Variants in SLC28A1 observed in about 807,000 individuals in gnomAD.
SLC28A1 encodes solute carrier family 28 member 1, also known as sodium/nucleoside cotransporter 1.
A neutral mutation model predicts 74.8 loss-of-function variants in SLC28A1; 64 were observed. That is an observed-to-expected ratio of 0.86 (90% CI 0.70 to 1.05). The LOEUF is 1.05. Among genes scored for constraint, SLC28A1 ranks in the 50% least tolerant of loss-of-function variants. SLC28A1 has a pLI of 0.00. For synonymous variants in SLC28A1, 359 were observed against 335.0 expected (o/e 1.07, Z -0.78); for missense variants, 828 against 822.8 (o/e 1.01, Z -0.08).
chr15:84,938,694 A>G (rs1357875632), intron 15 of SLC28A1, among the ~76,000 whole-genome samples: 1 of 152,180 alleles, frequency 6.6e-6, no homozygotes, highest in African/African-American at 2.4e-5. Flanking sequence ...ACAAGAAAGC[A>G]AAGGAACAAA....
At chr15:84,954,483 T>G in the SLC28A1 span, among the ~76,000 whole-genome samples, 2 of 152,234 alleles carry the variant, frequency 1.3e-5, no homozygotes, top group African/African-American at 4.8e-5. Flanking sequence ...TGAATGCTTA[T>G]TGTGAGACAA....
In SLC28A1 at chr15:84,933,169, G is replaced by T; in HGVS notation, c.1108G>T (p.Ala370Ser). The change falls in exon 13 of 19, where the codon GCC becomes TCC. Residue 370 changes from alanine (A) to serine (S), a missense_variant. Coordinates refer to ENST00000394573, the MANE Select transcript of SLC28A1 (RefSeq NM_004213.5). ...FGIDATSLIA[A>S]SVMAAPCALA... ...GATCGATGCCACCTCGTTGATTGCA[G>T]CCTCTGTGATGGCTGCCCCTTGTGC... The T allele has an allele frequency of 6.2e-7, 1 of 1,613,748 alleles. No individual in the cohort carries two copies.
At chr15:84,903,617 G>A (rs1966846747) in intron 6 of SLC28A1, among the ~76,000 whole-genome samples, 1 of 152,176 alleles carries the variant, frequency 6.6e-6, no homozygotes, top group Non-Finnish European at 1.5e-5. Context: ...CAGGTGCTCA[G>A]CTTGGAGGTC....
chr15:84,895,446 A>G (rs1281141485), intron 6 of SLC28A1: 1 of 1,613,486 alleles, frequency 6.2e-7, no homozygotes, highest in African/African-American at 1.3e-5. Flanking sequence ...ACAGTGTGAG[A>G]CAAAAAGCCG....
At chr15:84,948,715 G>A (rs1333837768), downstream of SLC28A1, among the ~76,000 whole-genome samples, 1 of 152,054 alleles carries the variant, frequency 6.6e-6, no homozygotes, top group Non-Finnish European at 1.5e-5. Context: ...GTTCCTCTTT[G>A]TAATGAGAAG....
the SLC28A1 span, among the ~76,000 whole-genome samples, chr15:84,954,026 A>T: frequency 2.6e-5 from 4 of 152,162 alleles, no homozygotes; most frequent in Non-Finnish European, 5.9e-5. Context: ...CTTCTACTGA[A>T]TTGGATTTCT....
chr15:84,884,682 GCTGCACTGCAT>G lies in SLC28A1; in HGVS notation c.-201_-191del. On this transcript the variant is annotated 5_prime_UTR_variant, in exon 1 of 19. An upstream start codon of the reference 5' UTR is lost. Transcript: ENST00000394573. The stretch of plus-strand genomic sequence containing the variant: ...GCCCACAACGATGTGAAGGTTATAA[GCTGCACTGCAT>G]GGTTGCTGCTGGATGTGTTGTGTTC... 1.0e-6 allele frequency: 1 copy of G among 984,798 alleles called. No individual in the cohort carries two copies. The highest frequency in any genetic ancestry group is 1.2e-6 in the Non-Finnish European group (1 of 829,138). 61.0% of individuals were successfully genotyped at this position (984,798 alleles called of 1,614,324 possible). A position where few individuals can be genotyped will look rare whatever the true frequency, so the allele number is the denominator to read the frequency against.
At chr15:84,938,874 T>G (rs1201431735) in intron 15 of SLC28A1, among the ~76,000 whole-genome samples, 2 of 152,060 alleles carry the variant, frequency 1.3e-5, no homozygotes, top group Non-Finnish European at 2.9e-5. Context: ...GGAAAAACAT[T>G]CCAAAGGAAG....
chr15:84,908,147 C>T (rs16974600), intron 8 of SLC28A1, among the ~76,000 whole-genome samples: 41,207 of 139,616 alleles, frequency 0.3, 6,095 homozygotes, highest in South Asian at 0.49. Context: ...GTTATCTCTT[C>T]TTTATTGTCC....
intron 12 of SLC28A1, among the ~76,000 whole-genome samples, chr15:84,925,850 T>A (rs1352433854): frequency 1.3e-5 from 2 of 151,968 alleles, no homozygotes; most frequent in African/African-American, 4.8e-5. Context: ...ATATTCAAGC[T>A]CACTGATGTT....
intron 9 of SLC28A1, among the ~76,000 whole-genome samples, chr15:84,910,817 C>T (rs1458673371): frequency 3.9e-5 from 6 of 152,160 alleles, no homozygotes; most frequent in South Asian, 2.1e-4. Flanking sequence ...AGTGCAGTAA[C>T]GGAGGGGCCT....
At chr15:84,953,140 T>A in the SLC28A1 span, among the ~76,000 whole-genome samples, 1 of 152,192 alleles carries the variant, frequency 6.6e-6, no homozygotes, top group Non-Finnish European at 1.5e-5. Context: ...TCTCTAATCC[T>A]TTTTGGATCT....
the SLC28A1 span, among the ~76,000 whole-genome samples, chr15:84,968,615 A>C: frequency 6.6e-6 from 1 of 152,242 alleles, no homozygotes; most frequent in Non-Finnish European, 1.5e-5. Flanking sequence ...ACATGAGCCA[A>C]CACTTTCTAA....
Position 84,944,548 on chromosome 15 carries a change from A to C in SLC28A1, c.1664-18A>C. ...GGACACAGCTTCCCAGGCCCTGAGC[A>C]CTTCTGTCCCCTTGCAGCCTCCATG... On this transcript the variant is annotated intron_variant, in intron 16 of 18. Transcript: ENST00000394573. 1 of 1,578,576 alleles carries C rather than the reference A, an allele frequency of 6.3e-7. No individual in the cohort carries two copies. Among genetic ancestry groups the C allele is most frequent in the Non-Finnish European group, 8.7e-7 (1 of 1,148,140 alleles).
chr15:84,900,570 A>G (rs1397081545), intron 6 of SLC28A1, among the ~76,000 whole-genome samples: 1 of 151,946 alleles, frequency 6.6e-6, no homozygotes, highest in Admixed American at 6.6e-5. Context: ...AGGCTGAGCT[A>G]GGAGGACTGC....
intron 6 of SLC28A1, among the ~76,000 whole-genome samples, chr15:84,896,676 G>T (rs1966035235): frequency 6.6e-6 from 1 of 152,132 alleles, no homozygotes; most frequent in African/African-American, 2.4e-5. Flanking sequence ...GCCAGGCATG[G>T]TGTTGGGCGC....
At chr15:84,967,718 C>A in the SLC28A1 span, among the ~76,000 whole-genome samples, 7 of 152,146 alleles carry the variant, frequency 4.6e-5, no homozygotes, top group Admixed American at 2.6e-4. Flanking sequence ...GGAAAGGGAA[C>A]CTACGAGGCC....
At chr15:84,960,936 CT>C in the SLC28A1 span, among the ~76,000 whole-genome samples, 2 of 152,138 alleles carry the variant, frequency 1.3e-5, no homozygotes, top group Admixed American at 1.3e-4. Context: ...GTTTAACTGG[CT>C]GATCCTGAAT....
chr15:84,912,190 T>C (rs569122627), intron 9 of SLC28A1, among the ~76,000 whole-genome samples: 1 of 152,320 alleles, frequency 6.6e-6, no homozygotes, highest in East Asian at 1.9e-4. Flanking sequence ...CCCTCTCCCC[T>C]ATATCACACA....
Sources: allele counts gnomAD v4.1 joint callset (sites outside exome capture counted in the v4.1 genomes callset), GRCh38; gene constraint gnomAD v4.1.1; transcripts MANE v1.5; gene names NCBI Gene and HGNC (gene_info 2026-07-23, HGNC 2026-07-21).